The following PRND variants were observed in gnomAD, a reference collection of about 807,000 sequenced individuals.
The protein encoded by PRND is prion-like protein doppel.
For synonymous variants in PRND, 94 were observed against 93.2 expected, an observed-to-expected ratio of 1.01 and a Z score of -0.05; for missense variants, 227 against 223.3, an observed-to-expected ratio of 1.02 and a Z score of -0.11.
At chr20:4,723,626 A>G (rs1923165880) in intron 1 of PRND, among the ~76,000 whole-genome samples, 1 of 152,200 alleles carries the variant, frequency 6.6e-6, no homozygotes, top group Admixed American at 6.5e-5. Context: ...GCCAGCTCAG[A>G]GCAATAAAGA....
chr20:4,722,945 T>C (rs933022698), intron 1 of PRND, among the ~76,000 whole-genome samples: 6 of 152,198 alleles, frequency 3.9e-5, no homozygotes, highest in Non-Finnish European at 8.8e-5. Context: ...GGCTTTTCCA[T>C]GACATCAGTG....
Position 4,724,213 on chromosome 20 carries a change from G to A in PRND, c.-11-328G>A, listed in dbSNP as rs1455284179. 6.6e-6 allele frequency among the ~76,000 whole-genome samples: 1 copy of A among 152,018 alleles called. No homozygotes were observed. The highest frequency in any genetic ancestry group is 1.5e-5 in the Non-Finnish European group (1 of 68,008). Reference sequence around the variant, plus strand: ...ATTTCTTGATTTGAAAGACTTGGGAGTATCAAAGAAAACCTACATGTATTA... The same window carrying A: ...ATTTCTTGATTTGAAAGACTTGGGAATATCAAAGAAAACCTACATGTATTA... On this transcript the variant is annotated intron_variant, in intron 1 of 1. Transcript: ENST00000305817. The surrounding 1 kb of genome is among the most constrained non-coding windows in gnomAD (Gnocchi z 4.8).
chr20:4,724,704 G>T lies in PRND; in HGVS notation c.153G>T (p.Val51=). The change falls in exon 2 of 2, where the codon GTG becomes GTT. Residue 51 remains valine, a synonymous_variant. Transcript: ENST00000305817. This position sits in a 1 kb window ranked among gnomAD's most constrained non-coding sequence, Gnocchi z 4.8. ...CTGCCCAGATCACTGAGGCCCAGGT[G>T]GCTGAGAACCGCCCGGGAGCCTTCA... ...PSTAQITEAQ[V]AENRPGAFIK... is the part of the protein sequence containing the mutation. 6.2e-7 allele frequency: 1 copy of T among 1,614,198 alleles called. No homozygotes were observed. The highest frequency in any genetic ancestry group is 8.5e-7 in the Non-Finnish European group (1 of 1,180,044).
At position 4,727,206 on chromosome 20, in the gene PRND, C is replaced by A. The variant is rs1315342754; in HGVS notation, c.*2124C>A. ...ATTTCTGATGTGAAAACGCTTAGGC[C>A]ATGATGTCGTTCATTTTCTGTAATT... On this transcript the variant is annotated 3_prime_UTR_variant, in exon 2 of 2. Coordinates refer to ENST00000305817, the MANE Select transcript of PRND (RefSeq NM_012409.4). 1 of 167,082 alleles carries A rather than the reference C, an allele frequency of 6.0e-6. No homozygotes were observed. The highest frequency in any genetic ancestry group is 1.5e-5 in the Non-Finnish European group (1 of 68,134). The allele number at this position is 167,082 out of a possible 1,614,324, so 10.3% of individuals were successfully genotyped here.
At position 4,727,519 on chromosome 20, in the gene PRND, G is replaced by GC. The variant is rs1444460894; in HGVS notation, c.*2439dup. ...GTCATTTTGCAGTGTGCATAATTTTGCCAACCGTTGCTTTCGTAGCCCCTG... is the reference window on the plus strand; with the variant it reads ...GTCATTTTGCAGTGTGCATAATTTTGCCCAACCGTTGCTTTCGTAGCCCCTG... On this transcript the variant is annotated 3_prime_UTR_variant, in exon 2 of 2. Transcript: ENST00000305817. 1.2e-5 allele frequency: 2 copies of GC among 167,038 alleles called. No homozygotes were observed. The highest frequency in any genetic ancestry group is 2.9e-5 in the Non-Finnish European group (2 of 68,118). 10.3% of individuals were successfully genotyped at this position (167,038 alleles called of 1,614,324 possible). A position where few individuals can be genotyped will look rare whatever the true frequency, so the allele number is the denominator to read the frequency against.
Position 4,725,111 on chromosome 20 carries a change from G to A in PRND, c.*29G>A, listed in dbSNP as rs537811836. The A allele has an allele frequency of 3.4e-4, 546 of 1,597,652 alleles. 5 individuals carry two copies. The South Asian group carries it at 5.8e-3, about 17-fold the overall frequency. On this transcript the variant is annotated 3_prime_UTR_variant, in exon 2 of 2. Coordinates refer to ENST00000305817, the MANE Select transcript of PRND (RefSeq NM_012409.4). ...TGCCAGGAGGCTGGCAGTACAGAGT[G>A]CAGCAGCGAGCAAATCCTGGCAAGT...
chr20:4,722,041 A>G (rs377668843), intron 1 of PRND, 72 bp downstream of exon 1: 1 of 152,232 alleles, frequency 6.6e-6, no homozygotes, highest in East Asian at 1.9e-4. Context: ...ATTGAAAATC[A>G]TGCAATGATT....
In PRND at chr20:4,725,066, G is replaced by T. The variant is rs758928930; in HGVS notation, c.515G>T (p.Trp172Leu). ...PVLLCLLALIWLTVK is the reference protein window; with the variant it reads ...PVLLCLLALILLTVK ...CTCCTCTGCCTTCTGGCTTTGATCT[G>T]GCTCACGGTGAAATAAGCTTGCCAG... Residue 172 changes from tryptophan to leucine, a missense_variant, in exon 2 of 2, where the codon TGG (tryptophan) becomes TTG (leucine). Trp to Leu is a moderately conservative substitution (Grantham distance 61). Coordinates refer to ENST00000305817, the MANE Select transcript of PRND (RefSeq NM_012409.4). 1.8e-5 allele frequency: 29 copies of T among 1,613,232 alleles called. No homozygotes were observed. The Admixed American group carries it at 4.8e-4, about 27-fold the overall frequency.
Position 4,724,426 on chromosome 20 carries a change from C to T in PRND, c.-11-115C>T. 7.5e-7 allele frequency: 1 copy of T among 1,334,252 alleles called. No individual in the cohort carries two copies. The allele number at this position is 1,334,252 out of a possible 1,614,324, so 82.7% of individuals were successfully genotyped here. On this transcript the variant is annotated intron_variant, in intron 1 of 1. Transcript: ENST00000305817. The surrounding 1 kb of genome is among the most constrained non-coding windows in gnomAD (Gnocchi z 4.8). ...GGGGAAACAATTATGCTTTTGAGAC[C>T]ACATAAATAGCACAAGGATGCGATT...
At chr20:4,722,441 G>C (rs925118243) in intron 1 of PRND, among the ~76,000 whole-genome samples, 1 of 151,964 alleles carries the variant, frequency 6.6e-6, no homozygotes, top group East Asian at 1.9e-4. Context: ...AGTGGGGTGA[G>C]GGGGTCCAGA....
chr20:4,722,668 G>A (rs992128407), intron 1 of PRND, among the ~76,000 whole-genome samples: 11 of 152,126 alleles, frequency 7.2e-5, no homozygotes, highest in African/African-American at 2.7e-4. Flanking sequence ...GCTGCAGCAG[G>A]GTGGTGGAGG....
intron 1 of PRND, among the ~76,000 whole-genome samples, chr20:4,722,601 C>A (rs957891281): frequency 6.6e-6 from 1 of 151,568 alleles, no homozygotes; most frequent in African/African-American, 2.4e-5. Context: ...ATATAAGGAG[C>A]AATGTGGCAT....
In PRND at chr20:4,727,841, A is replaced by AGTGG. The variant is rs958198416; in HGVS notation, c.*2760_*2763dup. The AGTGG allele has an allele frequency of 1.6e-4, 25 of 153,428 alleles. No homozygotes were observed. Among genetic ancestry groups the AGTGG allele is most frequent in the African/African-American group, 6.9e-4 (25 of 36,024 alleles). The allele number at this position is 153,428 out of a possible 1,614,324, so 9.5% of individuals were successfully genotyped here. On this transcript the variant is annotated 3_prime_UTR_variant, in exon 2 of 2. Transcript: ENST00000305817. ...CATTCTGTTGCCCAGGCTGGAGTGCAGTGGCGTGATCTTGGCTCACTACAA... is the reference window on the plus strand; with the variant it reads ...CATTCTGTTGCCCAGGCTGGAGTGCAGTGGGTGGCGTGATCTTGGCTCACTACAA...
In PRND at chr20:4,726,911, A is replaced by G. The variant is rs896122301; in HGVS notation, c.*1829A>G. 1.2e-5 allele frequency: 2 copies of G among 167,078 alleles called. No individual in the cohort carries two copies. The highest frequency in any genetic ancestry group is 4.8e-5 in the African/African-American group (2 of 41,434). The allele number at this position is 167,078 out of a possible 1,614,324, so 10.3% of individuals were successfully genotyped here. A position where few individuals can be genotyped will look rare whatever the true frequency, so the allele number is the denominator to read the frequency against. The stretch of plus-strand genomic sequence containing the variant: ...CACTGGGCACATGGAGGAGACGTCC[A>G]CCCTGCAGCCAGGACTGGGGTTCAC... On this transcript the variant is annotated 3_prime_UTR_variant, in exon 2 of 2. Transcript: ENST00000305817.
At position 4,724,588 on chromosome 20, in the gene PRND, G is replaced by A. The variant is rs766995994; in HGVS notation, c.37G>A (p.Val13Ile). 9.3e-6 allele frequency: 15 copies of A among 1,614,006 alleles called. No homozygotes were observed. In the South Asian group the frequency reaches 1.1e-4, roughly 12 times the overall value. Residue 13 changes from valine (V) to isoleucine (I), a missense_variant, in exon 2 of 2, where the codon GTC becomes ATC. By Grantham distance (29) the Val-to-Ile change is conservative. Transcript: ENST00000305817. This position sits in a 1 kb window ranked among gnomAD's most constrained non-coding sequence, Gnocchi z 4.8. ...CCTGAGCTGGTGGTGGCTGGCCACT[G>A]TCTGCATGCTGCTCTTCAGCCACCT... The part of the protein sequence containing the change: ...KHLSWWWLAT[V>I]CMLLFSHLSA...
chr20:4,722,971 T>C (rs1010284843), intron 1 of PRND, among the ~76,000 whole-genome samples: 1 of 152,198 alleles, frequency 6.6e-6, no homozygotes, highest in Non-Finnish European at 1.5e-5. Flanking sequence ...CCTTCGGATG[T>C]CCCAGGGCCA....
rs755094872 is a variant in PRND, at chr20:4,724,635, C to T, written c.84C>T (p.Gly28=). 4 of 1,614,190 alleles carry T rather than the reference C, an allele frequency of 2.5e-6. No individual in the cohort carries two copies. The highest frequency in any genetic ancestry group is 3.4e-6 in the Non-Finnish European group (4 of 1,180,038). The part of the protein sequence containing the change: ...FSHLSAVQTR[G]IKHRIKWNRK... ...ACCTCTCTGCGGTCCAGACGAGGGGCATCAAGCACAGAATCAAGTGGAACC... is the reference window on the plus strand; with the variant it reads ...ACCTCTCTGCGGTCCAGACGAGGGGTATCAAGCACAGAATCAAGTGGAACC... The change falls in exon 2 of 2, where the codon GGC becomes GGT. Residue 28 remains glycine (G), a synonymous_variant. Coordinates refer to ENST00000305817, the MANE Select transcript of PRND (RefSeq NM_012409.4). This position sits in a 1 kb window ranked among gnomAD's most constrained non-coding sequence, Gnocchi z 4.8.
Position 4,727,985 on chromosome 20 carries a change from G to A in PRND, c.*2903G>A, listed in dbSNP as rs6139534. On this transcript the variant is annotated 3_prime_UTR_variant, in exon 2 of 2. Coordinates refer to ENST00000305817, the MANE Select transcript of PRND (RefSeq NM_012409.4). ...GTATTTTTAGTAGAGACAGTGTTTTGCCATGTTGGCCAGGCTGGTCTCGAA... is the reference window on the plus strand; with the variant it reads ...GTATTTTTAGTAGAGACAGTGTTTTACCATGTTGGCCAGGCTGGTCTCGAA... 0.25 allele frequency: 40,059 copies of A among 160,048 alleles called. 5,539 individuals are homozygous for A. Among genetic ancestry groups the A allele is most frequent in the East Asian group, 0.38 (1,965 of 5,126 alleles). 9.9% of individuals were successfully genotyped at this position (160,048 alleles called of 1,614,324 possible).
intron 1 of PRND, among the ~76,000 whole-genome samples, chr20:4,722,417 C>T (rs1923128750): frequency 6.6e-6 from 1 of 151,844 alleles, no homozygotes. Flanking sequence ...TCACTGTGCT[C>T]AGGAGGCAGA....
Sources: allele counts gnomAD v4.1 joint callset (sites outside exome capture counted in the v4.1 genomes callset), GRCh38; gene constraint gnomAD v4.1.1; non-coding constraint Gnocchi (gnomAD v3.1); transcripts MANE v1.5; gene names NCBI Gene and HGNC (gene_info 2026-07-23, HGNC 2026-07-21).